The following NUTM1 variants were observed in gnomAD, a reference collection of about 807,000 sequenced individuals.
The protein encoded by NUTM1 is NUT midline carcinoma family member 1, also known as NUT family member 1.
In NUTM1, 39 loss-of-function variants were observed where a neutral mutation model predicts 88.7. That is an observed-to-expected ratio of 0.44 (90% CI 0.34 to 0.57). The LOEUF is 0.57. NUTM1 is among the 20% of genes least tolerant of loss of function. NUTM1 has a pLI of 0.01. For synonymous variants in NUTM1, 494 were observed against 538.0 expected (o/e 0.92, Z 1.13); for missense variants, 1,350 against 1,414.5 (o/e 0.95, Z 0.73).
At chr15:34,353,896 G>C (rs771176710) in intron 5 of NUTM1, 24 bp downstream of exon 5, 1 of 1,612,308 alleles carries the variant, frequency 6.2e-7, no homozygotes, top group Admixed American at 1.7e-5. Flanking sequence ...ATTTTGACAG[G>C]AGCCGTGGGC....
rs763014988 is a variant in NUTM1, at chr15:34,348,111, A to C, written c.243A>C (p.Ser81=). ...REPPPQPIMP[S]VFSPDNPLML... ...CACCTCCACAGCCCATCATGCCTTC[A>C]GTATTCTCTCCAGACAACCCTCTGA... Residue 81 remains serine, a synonymous_variant, in exon 3 of 8, where the codon TCA becomes TCC. Transcript: ENST00000537011. The C allele has an allele frequency of 7.4e-6, 12 of 1,614,124 alleles. No homozygotes were observed. In the East Asian group the frequency reaches 2.5e-4, roughly 33 times the overall value.
At position 34,357,438 on chromosome 15, in the gene NUTM1, C is replaced by T. The variant is rs199976269; in HGVS notation, c.3430C>T (p.Arg1144Trp). Residue 1144 changes from arginine (R) to tryptophan (W), a missense_variant, in exon 8 of 8, where the codon CGG becomes TGG. Transcript: ENST00000537011. ...VVRPSQPRKR[R>W]CDSFVTGRRK... ...TCGACCCTCACAGCCTCGTAAAAGG[C>T]GGTGTGACAGTTTTGTCACGGGCAG... is the stretch of plus-strand genomic sequence containing the variant. 232 of 1,613,056 alleles carry T rather than the reference C, an allele frequency of 1.4e-4. No homozygotes were observed. The highest frequency in any genetic ancestry group is 2.0e-4 in the East Asian group (9 of 44,874).
intron 2 of NUTM1, 88 bp downstream of exon 2, chr15:34,346,123 G>A (rs1305885706): frequency 1.2e-5 from 16 of 1,334,406 alleles, no homozygotes; most frequent in Admixed American, 1.7e-5. Flanking sequence ...GGAATGTGAG[G>A]TGCTACACCC....
intron 3 of NUTM1, 51 bp downstream of exon 3, chr15:34,348,728 G>A (rs1890656137): frequency 7.4e-7 from 1 of 1,343,416 alleles, no homozygotes; most frequent in Admixed American, 1.8e-5. Flanking sequence ...AAATAAGGAG[G>A]ACTTTGGGGT....
rs144692942 is a variant in NUTM1, at chr15:34,355,668, G to C, written c.1660G>C (p.Val554Leu). ...TGGGGGCGCCGCTTGCCTTGGAAAG[G>C]TTTCTTCTTCAGGAAAACGGGCAAG... ...GAGGAACLGKVSSSGKRAREV... is the reference protein window; with the variant it reads ...GAGGAACLGKLSSSGKRAREV... Residue 554 changes from valine (V) to leucine (L), a missense_variant, in exon 8 of 8, where the codon GTT (valine) becomes CTT (leucine). Physicochemically the swap from Val to Leu is conservative, Grantham distance 32. Transcript: ENST00000537011. This position sits in a 1 kb window ranked among gnomAD's most constrained non-coding sequence, Gnocchi z 4.3. 7 of 1,608,880 alleles carry C rather than the reference G, an allele frequency of 4.4e-6. No individual in the cohort carries two copies. Among genetic ancestry groups the C allele is most frequent in the Admixed American group, 3.4e-5 (2 of 59,152 alleles).
rs1024295771 is a variant in NUTM1, at chr15:34,353,850, C to T, written c.1053C>T (p.Ala351=). The T allele has an allele frequency of 6.2e-7, 1 of 1,613,666 alleles. No homozygotes were observed. The change falls in exon 5 of 8, where the codon GCC becomes GCT. Residue 351 remains alanine, a synonymous_variant. Coordinates refer to ENST00000537011, the MANE Select transcript of NUTM1 (RefSeq NM_001284292.2). ...AACTTGATCCTCTAGGGCCCCTGGC[C>T]TCTGAGGTTTGCCAGCAGCCAGGTG... is the stretch of plus-strand genomic sequence containing the variant. The part of the protein sequence containing the change: ...PLKLDPLGPL[A]SEVCQQPVYI...
Position 34,355,189 on chromosome 15 carries a change from C to G in NUTM1, c.1479+52C>G. 1 of 1,208,066 alleles carries G rather than the reference C, an allele frequency of 8.3e-7. No homozygotes were observed. Among genetic ancestry groups the G allele is most frequent in the African/African-American group, 1.5e-5 (1 of 67,076 alleles). The allele number at this position is 1,208,066 out of a possible 1,614,324, so 74.8% of individuals were successfully genotyped here. On this transcript the variant is annotated intron_variant, in intron 7 of 7. Coordinates refer to ENST00000537011, the MANE Select transcript of NUTM1 (RefSeq NM_001284292.2). The surrounding 1 kb of genome is among the most constrained non-coding windows in gnomAD (Gnocchi z 4.3). ...GAACGAGAAGCTTGCAAGATTTTAT[C>G]TAACCCTACACTGTCGTGGGTGATA... is the stretch of plus-strand genomic sequence containing the variant.
Position 34,346,043 on chromosome 15 carries a change from T to C in NUTM1, c.100+8T>C, listed in dbSNP as rs758349512. The stretch of plus-strand genomic sequence containing the variant: ...GGATGGCTTCAGATGGAGGTAAGTC[T>C]GCAGGTGGTGAGGAGGATTTCTGGT... On this transcript the variant is annotated splice_region_variant and intron_variant, in intron 2 of 7. Transcript: ENST00000537011. The C allele has an allele frequency of 6.2e-7, 1 of 1,614,042 alleles. No homozygotes were observed.
At position 34,356,840 on chromosome 15, in the gene NUTM1, C is replaced by T. The variant is rs1182434276; in HGVS notation, c.2832C>T (p.Val944=). 6.2e-7 allele frequency: 1 copy of T among 1,612,236 alleles called. No homozygotes were observed. Among genetic ancestry groups the T allele is most frequent in the Non-Finnish European group, 8.5e-7 (1 of 1,179,700 alleles). Residue 944 remains valine, a synonymous_variant, in exon 8 of 8, where the codon GTC becomes GTT. Coordinates refer to ENST00000537011, the MANE Select transcript of NUTM1 (RefSeq NM_001284292.2). ...ATGACTGTGGCCTCCAACTAAGGGT[C>T]AGCGAGGACACCTGCCCACTGAATG... ...VKDDCGLQLR[V]SEDTCPLNVH... is the part of the protein sequence containing the mutation.
In NUTM1 at chr15:34,347,889, TA is replaced by T. The variant is rs998989864; in HGVS notation, c.101-73del. On this transcript the variant is annotated intron_variant, in intron 2 of 7. Transcript: ENST00000537011. ...ATAAAAATAAAAATAAAAATAAAAA[TA>T]AAAAAATGGGGAATTCAGATGGCTA... The T allele has an allele frequency of 6.7e-5, 30 of 449,234 alleles. 1 individual carries two copies. The Middle Eastern group carries it at 9.4e-4, about 14-fold the overall frequency. The allele number at this position is 449,234 out of a possible 1,614,324, so 27.8% of individuals were successfully genotyped here. A position where few individuals can be genotyped will look rare whatever the true frequency, so the allele number is the denominator to read the frequency against.
At chr15:34,343,806 G>A (rs961787408) in intron 1 of NUTM1, 104 bp downstream of exon 1, 12 of 969,454 alleles carry the variant, frequency 1.2e-5, no homozygotes, top group Non-Finnish European at 1.7e-5. Context: ...TTAAAGAAAT[G>A]AAAATGAGAA....
At chr15:34,354,974 A>G (rs1890774510) in intron 6 of NUTM1, 47 bp from the exon 7 acceptor site, 1 of 1,420,328 alleles carries the variant, frequency 7.0e-7, no homozygotes, top group Non-Finnish European at 9.9e-7. Flanking sequence ...CTTGTTTCAC[A>G]GGTTACCTGC....
rs777916197 is a variant in NUTM1 at position 34,355,043 on chromosome 15, A to G, written c.1385A>G (p.Gln462Arg). The change falls in exon 7 of 8, where the codon CAA (glutamine) becomes CGA (arginine). Residue 462 changes from glutamine (Q) to arginine (R), a missense_variant. Gln to Arg is a conservative substitution (Grantham distance 43, BLOSUM62 1). Transcript: ENST00000537011. The surrounding 1 kb of genome is among the most constrained non-coding windows in gnomAD (Gnocchi z 4.3). The stretch of plus-strand genomic sequence containing the variant: ...CAGGTGGAGGCTGTCATTCACCCTC[A>G]ATTTCTGGCAGATCTGCTGTCCCCA... Reference protein sequence around the residue: ...VSKVEAVIHPQFLADLLSPEK... With the variant: ...VSKVEAVIHPRFLADLLSPEK... 25 of 1,613,558 alleles carry G rather than the reference A, an allele frequency of 1.5e-5. No individual in the cohort carries two copies. The Admixed American group carries it at 4.2e-4, about 27-fold the overall frequency.
At chr15:34,344,617 C>T (rs1006088010) in intron 1 of NUTM1, among the ~76,000 whole-genome samples, 11 of 151,578 alleles carry the variant, frequency 7.3e-5, no homozygotes, top group Non-Finnish European at 1.5e-4. Context: ...GGATAGAGAA[C>T]TTAGTTGCAG....
Position 34,355,566 on chromosome 15 carries a change from G to A in NUTM1, c.1558G>A (p.Asp520Asn), listed in dbSNP as rs1315618625. The A allele has an allele frequency of 8.1e-6, 13 of 1,614,220 alleles. No homozygotes were observed. Among genetic ancestry groups the A allele is most frequent in the Non-Finnish European group, 1.1e-5 (13 of 1,180,020 alleles). Reference protein sequence around the residue: ...APPSFSGAQLDSSPSGSVEDE... With the variant: ...APPSFSGAQLNSSPSGSVEDE... ...TCCAAGTTTCAGTGGCGCTCAGTTG[G>A]ACTCAAGTCCTTCTGGTTCTGTTGA... Residue 520 changes from aspartate (D) to asparagine (N), a missense_variant, in exon 8 of 8, where the codon GAC (aspartate) becomes AAC (asparagine). Physicochemically the swap from Asp to Asn is conservative, Grantham distance 23. Around this residue, in one of 5 missense-constraint regions of NUTM1, gnomAD observed 126 missense variants for 189.8 expected, o/e 0.66. Transcript: ENST00000537011. This position sits in a 1 kb window ranked among gnomAD's most constrained non-coding sequence, Gnocchi z 4.3.
At chr15:34,349,950 G>T (rs1445831918) in intron 3 of NUTM1, among the ~76,000 whole-genome samples, 1 of 152,188 alleles carries the variant, frequency 6.6e-6, no homozygotes, top group Non-Finnish European at 1.5e-5. Context: ...GCTCTGGGCA[G>T]GGTCTTCCAC....
intron 4 of NUTM1, among the ~76,000 whole-genome samples, chr15:34,351,775 G>C (rs1890713786): frequency 6.6e-6 from 1 of 152,028 alleles, no homozygotes; most frequent in South Asian, 2.1e-4. Context: ...TTATCCCAGG[G>C]AGGGGGCTGG....
At chr15:34,347,703 G>A (rs58401365) in intron 2 of NUTM1, among the ~76,000 whole-genome samples, 19,455 of 151,892 alleles carry the variant, frequency 0.13, 1,408 homozygotes, top group East Asian at 0.33. Context: ...AATACAAAAA[G>A]TTAGCCGGGC....
Position 34,356,656 on chromosome 15 carries a change from A to G in NUTM1, c.2648A>G (p.Lys883Arg). 6.2e-7 allele frequency: 1 copy of G among 1,613,814 alleles called. No individual in the cohort carries two copies. Among genetic ancestry groups the G allele is most frequent in the South Asian group, 1.1e-5 (1 of 91,056 alleles). The change falls in exon 8 of 8, where the codon AAA (lysine) becomes AGA (arginine). Residue 883 changes from lysine (K) to arginine (R), a missense_variant. Physicochemically the swap from Lys to Arg is conservative, Grantham distance 26. Coordinates refer to ENST00000537011, the MANE Select transcript of NUTM1 (RefSeq NM_001284292.2). ...ESGDSTLGSS[K>R]ETLPPTCQGN... ...GGTGATTCCACACTGGGGTCTTCCA[A>G]AGAAACCCTTCCACCCACATGCCAA...
Sources: gnomAD v4.1 joint callset for allele counts (sites outside exome capture counted in the v4.1 genomes callset) on GRCh38, gnomAD v4.1.1 for gene constraint, gnomAD v4.1.1 regional missense constraint, Gnocchi (gnomAD v3.1) non-coding constraint, MANE v1.5 for transcripts, NCBI Gene and HGNC (gene_info 2026-07-23, HGNC 2026-07-21) for gene names.